LRRC37A2: variants seen among roughly 807,000 people sequenced by gnomAD.
LRRC37A2 encodes the protein leucine rich repeat containing 37 member A2.
Under a neutral mutation model 68.8 loss-of-function variants are expected in LRRC37A2, and 9 were observed. The ratio of observed to expected loss-of-function variants is 0.13; its 90% CI spans 0.08 to 0.23. The LOEUF is 0.23. LRRC37A2 is among the 10% of genes least tolerant of loss of function. The pLI, the probability that LRRC37A2 is intolerant of heterozygous loss-of-function variation, is 1.00. For synonymous variants in LRRC37A2, 63 were observed against 367.6 expected, an observed-to-expected ratio of 0.17 and a Z score of 9.48; for missense variants, 168 against 950.4, an observed-to-expected ratio of 0.18 and a Z score of 10.82.
At chr17:46,980,666 C>CAAAAAAAAAAAAAAAAAAAAAAAAA in the LRRC37A2 span, among the ~76,000 whole-genome samples, 3 of 83,888 alleles carry the variant, frequency 3.6e-5, no homozygotes, top group African/African-American at 7.1e-5. Context: ...ACTAAAAATA[C>CAAAAAAAAAAAAAAAAAAAAAAAAA]AAAAAAAAAA....
At chr17:46,734,312 A>G in the LRRC37A2 span, among the ~76,000 whole-genome samples, 8 of 152,192 alleles carry the variant, frequency 5.3e-5, no homozygotes, top group Non-Finnish European at 1.0e-4. Context: ...CACTTTAGGA[A>G]AGAGGCTTAG....
chr17:46,980,461 C>CT, the LRRC37A2 span, among the ~76,000 whole-genome samples: 1 of 151,306 alleles, frequency 6.6e-6, no homozygotes, highest in Non-Finnish European at 1.5e-5. Flanking sequence ...CATAAGGAGC[C>CT]TTGTAACAAA....
At chr17:46,502,765 C>A in the LRRC37A2 span, among the ~76,000 whole-genome samples, 14 of 151,288 alleles carry the variant, frequency 9.3e-5, no homozygotes, top group Non-Finnish European at 1.9e-4. Context: ...GGGAAATGGT[C>A]ACCAGCAAGA....
the LRRC37A2 span, among the ~76,000 whole-genome samples, chr17:46,719,685 C>A: frequency 6.6e-6 from 1 of 152,076 alleles, no homozygotes; most frequent in South Asian, 2.1e-4. This position sits in a 1 kb window ranked among gnomAD's most constrained non-coding sequence, Gnocchi z 4.3. Context: ...TTCCTTTATC[C>A]ATTTTTGCAT....
At chr17:46,768,151 C>A in the LRRC37A2 span, among the ~76,000 whole-genome samples, 2 of 152,184 alleles carry the variant, frequency 1.3e-5, no homozygotes, top group Non-Finnish European at 2.9e-5. This position sits in a 1 kb window ranked among gnomAD's most constrained non-coding sequence, Gnocchi z 5.0. Context: ...ACCATTCCCA[C>A]GGATGCTTGA....
At chr17:46,950,216 C>T in the LRRC37A2 span, among the ~76,000 whole-genome samples, 1 of 152,208 alleles carries the variant, frequency 6.6e-6, no homozygotes, top group Non-Finnish European at 1.5e-5. Flanking sequence ...AGTCACTTCT[C>T]GTTCCTATCC....
At chr17:46,983,040 C>A in the LRRC37A2 span, among the ~76,000 whole-genome samples, 1 of 152,130 alleles carries the variant, frequency 6.6e-6, no homozygotes, top group African/African-American at 2.4e-5. Flanking sequence ...AAAGTGGGAA[C>A]AAAATTAGGG....
At chr17:46,774,820 G>A in the LRRC37A2 span, among the ~76,000 whole-genome samples, 3 of 152,226 alleles carry the variant, frequency 2.0e-5, no homozygotes, top group Non-Finnish European at 4.4e-5. Flanking sequence ...CCTCAGCACA[G>A]GAACAGCAGA....
chr17:46,940,186 C>T, the LRRC37A2 span: 23 of 1,374,822 alleles, frequency 1.7e-5, no homozygotes, highest in Non-Finnish European at 2.2e-5. Flanking sequence ...TGGCATAGCT[C>T]CCCTTTGGTA....
At chr17:46,841,932 T>C in the LRRC37A2 span, among the ~76,000 whole-genome samples, 1 of 152,220 alleles carries the variant, frequency 6.6e-6, no homozygotes, top group African/African-American at 2.4e-5. Context: ...GGACAGTCCC[T>C]GCCGCGCCGA....
the LRRC37A2 span, among the ~76,000 whole-genome samples, chr17:46,877,808 G>T: frequency 2.0e-5 from 3 of 152,224 alleles, no homozygotes; most frequent in Non-Finnish European, 4.4e-5. Context: ...TGCTCATCTA[G>T]TTAAGGCTTT....
chr17:46,805,944 C>A, the LRRC37A2 span, among the ~76,000 whole-genome samples: 2 of 152,214 alleles, frequency 1.3e-5, no homozygotes, highest in Admixed American at 6.5e-5. Flanking sequence ...AACCATGGAG[C>A]CTTCGGCAAT....
chr17:46,818,550 G>T, the LRRC37A2 span: 1 of 1,609,016 alleles, frequency 6.2e-7, no homozygotes, highest in Non-Finnish European at 8.5e-7. Context: ...GGACCCTGGT[G>T]CCACCGAGCA....
the LRRC37A2 span, among the ~76,000 whole-genome samples, chr17:46,783,991 G>A: frequency 6.6e-6 from 1 of 152,188 alleles, no homozygotes; most frequent in African/African-American, 2.4e-5. Context: ...GGGTTGACGT[G>A]GATGCTAAGG....
chr17:46,723,202 C>G, the LRRC37A2 span, among the ~76,000 whole-genome samples: 1 of 152,206 alleles, frequency 6.6e-6, no homozygotes, highest in East Asian at 1.9e-4. Context: ...AAACATAGAA[C>G]TACTGCAACC....
At chr17:46,900,182 T>TATAC in the LRRC37A2 span, among the ~76,000 whole-genome samples, 22 of 122,242 alleles carry the variant, frequency 1.8e-4, no homozygotes, top group African/African-American at 8.4e-4. Context: ...TATATATATA[T>TATAC]ATATATATAT....
the LRRC37A2 span, among the ~76,000 whole-genome samples, chr17:46,782,294 G>C: frequency 6.6e-6 from 1 of 152,192 alleles, no homozygotes; most frequent in African/African-American, 2.4e-5. Flanking sequence ...GAGAGGGAGA[G>C]GAGGAGGGAA....
the LRRC37A2 span, among the ~76,000 whole-genome samples, chr17:46,977,890 T>C: frequency 6.6e-6 from 1 of 152,266 alleles, no homozygotes; most frequent in East Asian, 1.9e-4. Context: ...ATTAGACTCA[T>C]ATATCCAGTG....
At chr17:46,734,563 C>A in the LRRC37A2 span, among the ~76,000 whole-genome samples, 2 of 152,050 alleles carry the variant, frequency 1.3e-5, no homozygotes, top group African/African-American at 4.8e-5. Flanking sequence ...ATATACATAT[C>A]TCTGAGGACA....
Sources: gnomAD v4.1 joint callset for allele counts (sites outside exome capture counted in the v4.1 genomes callset) on GRCh38, gnomAD v4.1.1 for gene constraint, Gnocchi (gnomAD v3.1) non-coding constraint, MANE v1.5 for transcripts, NCBI Gene and HGNC (gene_info 2026-07-23, HGNC 2026-07-21) for gene names.